Variants in KLF15 observed in about 807,000 individuals in gnomAD.
KLF15 encodes the protein Krueppel-like factor 15.
KLF15 carries 4 observed loss-of-function variants against 24.6 expected under a neutral mutation model. The ratio of observed to expected loss-of-function variants is 0.16; its 90% CI spans 0.08 to 0.37. The LOEUF (loss-of-function observed/expected upper bound fraction) is 0.37. Ranked by LOEUF, KLF15 falls within the 10% of genes least tolerant of loss-of-function variation. KLF15 has a pLI of 1.00. For missense variants in KLF15, 496 were observed against 560.6 expected (o/e 0.88, Z 1.16); for synonymous variants, 246 against 236.3 (o/e 1.04, Z -0.37).
the KLF15 span, among the ~76,000 whole-genome samples, chr3:126,335,627 T>A: frequency 3.4e-5 from 5 of 144,932 alleles, no homozygotes; most frequent in Non-Finnish European, 7.6e-5. Context: ...AAAGAGGAAG[T>A]CAAATTGTCC....
the KLF15 span, among the ~76,000 whole-genome samples, chr3:126,332,088 C>G: frequency 1.3e-5 from 2 of 152,164 alleles, no homozygotes; most frequent in Non-Finnish European, 2.9e-5. Flanking sequence ...GGAGGCCTGC[C>G]TGTCTCTGTA....
chr3:126,290,157 C>T, the KLF15 span, among the ~76,000 whole-genome samples: 5 of 151,838 alleles, frequency 3.3e-5, no homozygotes, highest in South Asian at 2.1e-4. Context: ...TTTCTTTTGG[C>T]GGAGGGAGTA....
the KLF15 span, among the ~76,000 whole-genome samples, chr3:126,297,756 T>C: frequency 1.3e-5 from 2 of 152,246 alleles, no homozygotes; most frequent in South Asian, 2.1e-4. Flanking sequence ...TCCAGCTCCA[T>C]TTAAGTTGCT....
chr3:126,333,748 C>CA, the KLF15 span, among the ~76,000 whole-genome samples: 1 of 123,824 alleles, frequency 8.1e-6, no homozygotes, highest in Non-Finnish European at 1.7e-5. Flanking sequence ...AAATGGAAAA[C>CA]AAAAAACGGC....
the KLF15 span, among the ~76,000 whole-genome samples, chr3:126,312,423 C>T: frequency 2.6e-5 from 4 of 152,188 alleles, no homozygotes; most frequent in Non-Finnish European, 5.9e-5. Context: ...GATCCTCCCA[C>T]CTTGGTCATC....
rs1227306651 is a variant in KLF15, at chr3:126,357,337, C to G, written c.-126G>C. ...GGCTAGACTCTCGGTCCGGCGGCGG[C>G]CGGGGGCCGAGCCGCGGGTCCTGCG... On this transcript the variant is annotated 5_prime_UTR_variant, in exon 1 of 3. Transcript: ENST00000296233. The G allele has an allele frequency of 1.4e-5, 2 of 147,102 alleles. No individual in the cohort carries two copies. The highest frequency in any genetic ancestry group is 3.0e-5 in the Non-Finnish European group (2 of 66,018). The allele number at this position is 147,102 out of a possible 1,614,324, so 9.1% of individuals were successfully genotyped here. A position where few individuals can be genotyped will look rare whatever the true frequency, so the allele number is the denominator to read the frequency against.
Position 126,343,529 on chromosome 3 carries a change from G to C in KLF15, c.*198C>G. The C allele has an allele frequency of 1.8e-6, 1 of 556,264 alleles. No homozygotes were observed. The highest frequency in any genetic ancestry group is 2.4e-5 in the South Asian group (1 of 41,488). 34.5% of individuals were successfully genotyped at this position (556,264 alleles called of 1,614,324 possible). ...CCGTGCGCCTGGGGCCCAGCCCCCAGGGACGCGGGTTCGAGGCTCTAAGTA... is the reference window on the plus strand; with the variant it reads ...CCGTGCGCCTGGGGCCCAGCCCCCACGGACGCGGGTTCGAGGCTCTAAGTA... On this transcript the variant is annotated 3_prime_UTR_variant, in exon 3 of 3. Coordinates refer to ENST00000296233, the MANE Select transcript of KLF15 (RefSeq NM_014079.4).
At chr3:126,345,532 C>T (rs989788518) in intron 2 of KLF15, among the ~76,000 whole-genome samples, 1 of 147,798 alleles carries the variant, frequency 6.8e-6, no homozygotes, top group South Asian at 2.1e-4. Context: ...CATACACGGA[C>T]GAATATGTGC....
the KLF15 span, among the ~76,000 whole-genome samples, chr3:126,300,582 G>T: frequency 6.6e-6 from 1 of 152,124 alleles, no homozygotes; most frequent in Non-Finnish European, 1.5e-5. Context: ...CCCTTTCCCC[G>T]TCCCCATGCT....
chr3:126,338,811 G>A (rs902884531), downstream of KLF15, among the ~76,000 whole-genome samples: 1 of 152,200 alleles, frequency 6.6e-6, no homozygotes, highest in South Asian at 2.1e-4. Flanking sequence ...CCCTCAGCTG[G>A]CTCTGTCGTA....
At chr3:126,292,644 G>A in the KLF15 span, among the ~76,000 whole-genome samples, 55,233 of 151,990 alleles carry the variant, frequency 0.36, 11,682 homozygotes, top group African/African-American at 0.59. Context: ...TGCAGAGGAA[G>A]GAGGATGAGA....
At chr3:126,331,642 G>A in the KLF15 span, among the ~76,000 whole-genome samples, 4 of 152,198 alleles carry the variant, frequency 2.6e-5, no homozygotes, top group African/African-American at 9.6e-5. Flanking sequence ...GAACAGCTCC[G>A]GTCTACAGCT....
the KLF15 span, among the ~76,000 whole-genome samples, chr3:126,316,567 T>TGGGGAAGAGGGTACACGGGCC: frequency 1.6e-5 from 2 of 128,610 alleles, no homozygotes; most frequent in Non-Finnish European, 1.6e-5. Flanking sequence ...GTACACGGGC[T>TGGGGAAGAGGGTACACGGGCC]GGAGTAGGGA....
chr3:126,329,790 G>A, the KLF15 span, among the ~76,000 whole-genome samples: 1 of 145,982 alleles, frequency 6.9e-6, no homozygotes, highest in Admixed American at 6.8e-5. Context: ...AGCAATTCCA[G>A]TTAGGTCTTC....
At chr3:126,315,321 T>C in the KLF15 span, among the ~76,000 whole-genome samples, 1 of 152,224 alleles carries the variant, frequency 6.6e-6, no homozygotes, top group African/African-American at 2.4e-5. Flanking sequence ...TAACTCCCAG[T>C]ACAGTTAGAG....
chr3:126,343,610 A>C lies in KLF15; in HGVS notation c.*117T>G. 1 of 1,046,920 alleles carries C rather than the reference A, an allele frequency of 9.6e-7. No homozygotes were observed. Among genetic ancestry groups the C allele is most frequent in the Non-Finnish European group, 1.4e-6 (1 of 716,784 alleles). The allele number at this position is 1,046,920 out of a possible 1,614,324, so 64.9% of individuals were successfully genotyped here. A position where few individuals can be genotyped will look rare whatever the true frequency, so the allele number is the denominator to read the frequency against. ...TGGGTTCACACCTCCCAGGCTTCAGAAGGTGGGCTGGTAACATTGCCATGT... is the reference window on the plus strand; with the variant it reads ...TGGGTTCACACCTCCCAGGCTTCAGCAGGTGGGCTGGTAACATTGCCATGT... On this transcript the variant is annotated 3_prime_UTR_variant, in exon 3 of 3. Coordinates refer to ENST00000296233, the MANE Select transcript of KLF15 (RefSeq NM_014079.4).
chr3:126,355,704 G>A (rs900500277), intron 1 of KLF15, among the ~76,000 whole-genome samples: 3 of 152,228 alleles, frequency 2.0e-5, no homozygotes, highest in Admixed American at 2.0e-4. Context: ...AAACAGGACC[G>A]GGCAAAATTT....
chr3:126,324,530 T>A, the KLF15 span, among the ~76,000 whole-genome samples: 1 of 116,636 alleles, frequency 8.6e-6, no homozygotes, highest in African/African-American at 3.5e-5. Context: ...ACATTGACTT[T>A]TTTTTCTGAC....
At chr3:126,335,532 C>T in the KLF15 span, among the ~76,000 whole-genome samples, 1 of 148,438 alleles carries the variant, frequency 6.7e-6, no homozygotes, top group Non-Finnish European at 1.5e-5. Flanking sequence ...GATGCCCTCT[C>T]TCACCACTCC....
Sources: gnomAD v4.1 joint callset for allele counts (sites outside exome capture counted in the v4.1 genomes callset) on GRCh38, gnomAD v4.1.1 for gene constraint, MANE v1.5 for transcripts, NCBI Gene and HGNC (gene_info 2026-07-23, HGNC 2026-07-21) for gene names.